Variants in ZNF394 observed in about 807,000 individuals in gnomAD.
ZNF394 encodes zinc finger protein 99.
ZNF394 carries 19 observed loss-of-function variants against 21.8 expected under a neutral mutation model. The ratio of observed to expected loss-of-function variants is 0.87; its 90% CI spans 0.61 to 1.28. ZNF394 has a LOEUF of 1.28. ZNF394 is among the 50% of genes most tolerant of loss of function. The probability of loss-of-function intolerance (pLI) is 0.00; values close to 1 mark genes in which losing one functional copy is unlikely to be tolerated. For synonymous variants in ZNF394, 294 were observed against 273.3 expected, an observed-to-expected ratio of 1.08 and a Z score of -0.75; for missense variants, 683 against 708.6, an observed-to-expected ratio of 0.96 and a Z score of 0.41.
downstream of ZNF394, among the ~76,000 whole-genome samples, chr7:99,488,326 C>T (rs1418088986): frequency 1.3e-5 from 2 of 150,742 alleles, no homozygotes; most frequent in African/African-American, 4.9e-5. Flanking sequence ...CACTTGAGGT[C>T]AGTTCAAGAC....
chr7:99,499,609 A>C, intron 1 of ZNF394, 29 bp downstream of exon 1: 1 of 1,532,806 alleles, frequency 6.5e-7, no homozygotes, highest in Non-Finnish European at 8.7e-7. Context: ...CCACACTCCC[A>C]CCTCCAGAAC....
At position 99,498,754 on chromosome 7, in the gene ZNF394, T is replaced by C. The variant is rs780446231; in HGVS notation, c.545A>G (p.Glu182Gly). 2.5e-6 allele frequency: 4 copies of C among 1,614,034 alleles called. No homozygotes were observed. The Middle Eastern group carries it at 4.9e-4, about 200-fold the overall frequency. ...LDPARRDFCR[E>G]SAQKDSGSTV... is the part of the protein sequence containing the mutation. ...GCTCCCGGAATCCTTCTGCGCACTC[T>C]CTCTGCAGAAGTCCCTCCGTGCTGG... Residue 182 changes from glutamate (E) to glycine (G), a missense_variant, in exon 2 of 3, where the codon GAG becomes GGG. Around this residue, in one of 3 missense-constraint regions of ZNF394, gnomAD observed 402 missense variants for 373.8 expected, o/e 1.08. Coordinates refer to ENST00000337673, the MANE Select transcript of ZNF394 (RefSeq NM_032164.4).
rs770427453 is a variant in ZNF394 at position 99,494,526 on chromosome 7, G to A, written c.689C>T (p.Pro230Leu). ...GGTACTGCCACACTTAGAAAACAGG[G>A]GGCGCTTCCCCTGGAACGCTTCTTG... ...QLQEAFQGKR[P>L]LFSKCGSTHE... Residue 230 changes from proline (P) to leucine (L), a missense_variant, in exon 3 of 3, where the codon CCC becomes CTC. This residue lies in a region of ZNF394 where 402 missense variants were observed against 373.8 expected (regional missense o/e 1.08). Coordinates refer to ENST00000337673, the MANE Select transcript of ZNF394 (RefSeq NM_032164.4). 3.1e-6 allele frequency: 5 copies of A among 1,613,392 alleles called. No homozygotes were observed. In the African/African-American group the frequency reaches 4.0e-5, roughly 13 times the overall value.
At chr7:99,496,065 G>T (rs930594915) in intron 2 of ZNF394, among the ~76,000 whole-genome samples, 9 of 152,170 alleles carry the variant, frequency 5.9e-5, no homozygotes, top group African/African-American at 2.2e-4. Context: ...GTAATTACAG[G>T]TGCCCATTAA....
downstream of ZNF394, among the ~76,000 whole-genome samples, chr7:99,492,784 T>C (rs1800191133): frequency 6.9e-6 from 1 of 144,690 alleles, no homozygotes; most frequent in Admixed American, 6.9e-5. Context: ...AGCAAGACCC[T>C]ATCTCTTAAA....
chr7:99,488,422 G>A (rs1800080835), downstream of ZNF394, among the ~76,000 whole-genome samples: 1 of 149,302 alleles, frequency 6.7e-6, no homozygotes, highest in Non-Finnish European at 1.5e-5. Context: ...GAATCGCTTG[G>A]ACCTGGGAGG....
At chr7:99,487,438 A>C in intron 1 of ZNF394, 3 of 1,614,252 alleles carry the variant, frequency 1.9e-6, no homozygotes, top group Non-Finnish European at 2.5e-6. Context: ...CAAGTGGCAC[A>C]CAAGCTTTAT....
chr7:99,486,993 CTG>C (rs769946433), intron 1 of ZNF394: 4 of 1,614,028 alleles, frequency 2.5e-6, no homozygotes, highest in East Asian at 4.5e-5. Context: ...GATGTCATGA[CTG>C]TGGAAAGTGT....
chr7:99,495,721 A>G (rs1431044432), intron 2 of ZNF394, among the ~76,000 whole-genome samples: 1 of 152,010 alleles, frequency 6.6e-6, no homozygotes, highest in Non-Finnish European at 1.5e-5. Flanking sequence ...CCCAGGTTCA[A>G]GCAATTCCCC....
Position 99,499,743 on chromosome 7 carries a change from G to A in ZNF394, c.351C>T (p.Pro117=), listed in dbSNP as rs775993517. Residue 117 remains proline, a synonymous_variant, in exon 1 of 3, where the codon CCC becomes CCT. Coordinates refer to ENST00000337673, the MANE Select transcript of ZNF394 (RefSeq NM_032164.4). The stretch of plus-strand genomic sequence containing the variant: ...CTCGCACCCAGGCTTGAAGCTCCTC[G>A]GGCAGGATGGTGAGGAACTGCTCCA... The part of the protein sequence containing the change: ...LVLEQFLTIL[P]EELQAWVREH... 1.9e-5 allele frequency: 30 copies of A among 1,613,962 alleles called. No individual in the cohort carries two copies. In the Admixed American group the frequency reaches 2.3e-4, roughly 13 times the overall value.
At chr7:99,489,453 A>G (rs1800114285), downstream of ZNF394, among the ~76,000 whole-genome samples, 1 of 152,048 alleles carries the variant, frequency 6.6e-6, no homozygotes. Flanking sequence ...TCAACCAATC[A>G]TCGATGGGAA....
Position 99,499,737 on chromosome 7 carries a change from C to A in ZNF394, c.357G>T (p.Glu119Asp), listed in dbSNP as rs760081371. ...AGTGCTCTCGCACCCAGGCTTGAAGCTCCTCGGGCAGGATGGTGAGGAACT... is the reference window on the plus strand; with the variant it reads ...AGTGCTCTCGCACCCAGGCTTGAAGATCCTCGGGCAGGATGGTGAGGAACT... ...LEQFLTILPE[E>D]LQAWVREHCP... Residue 119 changes from glutamate (E) to aspartate (D), a missense_variant, in exon 1 of 3, where the codon GAG becomes GAT. Transcript: ENST00000337673. 4 of 1,614,080 alleles carry A rather than the reference C, an allele frequency of 2.5e-6. No individual in the cohort carries two copies. Among genetic ancestry groups the A allele is most frequent in the Non-Finnish European group, 3.4e-6 (4 of 1,180,044 alleles).
In ZNF394 at chr7:99,500,247, G is replaced by C. The variant is rs139549797; in HGVS notation, c.-154C>G. 0.013 allele frequency: 8,937 copies of C among 676,012 alleles called. 88 individuals are homozygous for C. The highest frequency in any genetic ancestry group is 0.018 in the Middle Eastern group (42 of 2,306). The allele number at this position is 676,012 out of a possible 1,614,324, so 41.9% of individuals were successfully genotyped here. A position where few individuals can be genotyped will look rare whatever the true frequency, so the allele number is the denominator to read the frequency against. ...TCCACACTCTCCTTTCCTCAGCTTT[G>C]CGCCTACAACTCTCTCGGTCAAACA... On this transcript the variant is annotated 5_prime_UTR_variant, in exon 1 of 3. Transcript: ENST00000337673.
At chr7:99,486,980 A>G (rs753230638) in intron 1 of ZNF394, 2 of 1,614,194 alleles carry the variant, frequency 1.2e-6, no homozygotes, top group Non-Finnish European at 1.7e-6. Context: ...AACAAGCCAT[A>G]CAGATGTCAT....
At chr7:99,491,669 G>A (rs186446918), downstream of ZNF394, among the ~76,000 whole-genome samples, 2 of 151,292 alleles carry the variant, frequency 1.3e-5, no homozygotes, top group African/African-American at 2.4e-5. Context: ...TCAGCTACTC[G>A]GGAGGCTGAA....
downstream of ZNF394, among the ~76,000 whole-genome samples, chr7:99,489,356 C>T (rs1472947635): frequency 6.6e-6 from 1 of 152,046 alleles, no homozygotes; most frequent in African/African-American, 2.4e-5. Context: ...GCCGAAGTCC[C>T]TCTGGCCTTA....
chr7:99,493,288 G>A lies in ZNF394; in HGVS notation c.*241C>T, dbSNP rs772907032. On this transcript the variant is annotated 3_prime_UTR_variant, in exon 3 of 3. Coordinates refer to ENST00000337673, the MANE Select transcript of ZNF394 (RefSeq NM_032164.4). The stretch of plus-strand genomic sequence containing the variant: ...TATTTCTTTTTTGAGATGGAGTCTC[G>A]CTCTGTTGCCCAGGCTGGAGTGCAG... 63 of 1,205,526 alleles carry A rather than the reference G, an allele frequency of 5.2e-5. No individual in the cohort carries two copies. Among genetic ancestry groups the A allele is most frequent in the Non-Finnish European group, 6.1e-5 (59 of 963,810 alleles). The allele number at this position is 1,205,526 out of a possible 1,614,324, so 74.7% of individuals were successfully genotyped here. A position where few individuals can be genotyped will look rare whatever the true frequency, so the allele number is the denominator to read the frequency against.
chr7:99,487,943 G>A (rs1800059716), intron 1 of ZNF394, among the ~76,000 whole-genome samples: 1 of 152,036 alleles, frequency 6.6e-6, no homozygotes, highest in Non-Finnish European at 1.5e-5. Flanking sequence ...GTGGTGGCAG[G>A]CGCCTGTAGT....
chr7:99,497,464 G>A (rs1358342130), intron 2 of ZNF394, among the ~76,000 whole-genome samples: 6 of 151,938 alleles, frequency 3.9e-5, no homozygotes, highest in African/African-American at 1.2e-4. Flanking sequence ...ACAGGCGTGA[G>A]CCACCGTGCC....
Sources: allele counts gnomAD v4.1 joint callset (sites outside exome capture counted in the v4.1 genomes callset), GRCh38; gene constraint gnomAD v4.1.1; regional missense constraint gnomAD v4.1.1; transcripts MANE v1.5; gene names NCBI Gene and HGNC (gene_info 2026-07-23, HGNC 2026-07-21).